The following DLG2 variants were observed in gnomAD, a reference collection of about 807,000 sequenced individuals.
The protein encoded by DLG2 is disks large homolog 2.
DLG2 carries 45 observed loss-of-function variants against 132.5 expected under a neutral mutation model. That is an observed-to-expected ratio of 0.34 (90% CI 0.27 to 0.44). The LOEUF (loss-of-function observed/expected upper bound fraction) is 0.44. Ranked by LOEUF, DLG2 falls within the 20% of genes least tolerant of loss-of-function variation. DLG2 has a pLI of 1.00. For missense variants in DLG2, 1,045 were observed against 1,196.9 expected (o/e 0.87, Z 1.87); for synonymous variants, 424 against 419.6 (o/e 1.01, Z -0.13).
intron 6 of DLG2, among the ~76,000 whole-genome samples, chr11:84,865,868 A>G (rs1336692825): frequency 6.6e-6 from 1 of 152,226 alleles, no homozygotes; most frequent in Non-Finnish European, 1.5e-5. Context: ...CAGAATCTCC[A>G]GGGTAAAAGA....
intron 4 of DLG2, among the ~76,000 whole-genome samples, chr11:85,263,635 A>G (rs1161326884): frequency 1.3e-5 from 2 of 152,210 alleles, no homozygotes; most frequent in African/African-American, 4.8e-5. Flanking sequence ...AGTAAACTCT[A>G]AACTCTCACC....
chr11:84,168,551 T>C (rs1180368022), intron 8 of DLG2, among the ~76,000 whole-genome samples: 1 of 152,176 alleles, frequency 6.6e-6, no homozygotes, highest in Non-Finnish European at 1.5e-5. Context: ...CATCCACAGA[T>C]GCAGCATATA....
chr11:84,544,381 A>C (rs1335977564), intron 6 of DLG2, among the ~76,000 whole-genome samples: 1 of 152,226 alleles, frequency 6.6e-6, no homozygotes, highest in East Asian at 1.9e-4. Flanking sequence ...TTTACAAAGC[A>C]CTTTCAGCAA....
At chr11:85,496,786 G>A (rs1024509832) in intron 3 of DLG2, among the ~76,000 whole-genome samples, 9 of 152,072 alleles carry the variant, frequency 5.9e-5, no homozygotes, top group African/African-American at 2.2e-4. Flanking sequence ...AGGCAAACAG[G>A]GTCTGGAGCA....
At chr11:84,397,575 T>G (rs1203101378) in intron 7 of DLG2, among the ~76,000 whole-genome samples, 1 of 152,162 alleles carries the variant, frequency 6.6e-6, no homozygotes, top group Non-Finnish European at 1.5e-5. Context: ...ATCTTAGAAG[T>G]CAACTGATGA....
At chr11:84,116,970 G>A (rs549369616) in intron 9 of DLG2, among the ~76,000 whole-genome samples, 60 of 152,226 alleles carry the variant, frequency 3.9e-4, no homozygotes, top group African/African-American at 1.4e-3. Flanking sequence ...CCACTTAAGC[G>A]TCACCTAATC....
intron 6 of DLG2, among the ~76,000 whole-genome samples, chr11:84,569,482 T>G (rs901380799): frequency 1.3e-5 from 2 of 151,718 alleles, no homozygotes; most frequent in African/African-American, 4.8e-5. Context: ...GATAGAAAAT[T>G]TAATAAAATT....
intron 3 of DLG2, among the ~76,000 whole-genome samples, chr11:85,319,969 A>G (rs559111817): frequency 5.9e-5 from 9 of 151,936 alleles, no homozygotes; most frequent in African/African-American, 1.9e-4. Flanking sequence ...TGGGTACTCA[A>G]TCATGTTTCA....
In DLG2 at chr11:84,372,967, A is replaced by G. The variant is rs1057508496; in HGVS notation, c.520-121676T>C. Among the ~76,000 whole-genome samples, 8 of 152,010 alleles carry G rather than the reference A, an allele frequency of 5.3e-5. 2 individuals are homozygous for G. The highest frequency in any genetic ancestry group is 1.0e-4 in the Non-Finnish European group (7 of 68,002). On this transcript the variant is annotated intron_variant, in intron 7 of 27. Transcript: ENST00000376104. ...ACCTAAAAATATAGCAAGAGATGAA[A>G]CCACGAGAGTTACTGGCATATGTGA...
intron 7 of DLG2, chr11:84,272,383 G>T (rs2097735960): frequency 5.3e-6 from 2 of 378,962 alleles, no homozygotes; most frequent in African/African-American, 2.1e-5. Context: ...TTTTAGCAGA[G>T]ATTATTTTTT....
At chr11:84,762,031 T>C (rs2067698781) in intron 6 of DLG2, 1 of 152,140 alleles carries the variant, frequency 6.6e-6, no homozygotes, top group Non-Finnish European at 1.5e-5. Flanking sequence ...AAATGTATTT[T>C]GGCTTGATCT....
At chr11:83,968,996 T>C (rs188359961) in intron 12 of DLG2, among the ~76,000 whole-genome samples, 497 of 152,298 alleles carry the variant, frequency 3.3e-3, no homozygotes, top group Non-Finnish European at 5.7e-3. Context: ...ATAACTAACA[T>C]TTATTTAATA....
At chr11:85,148,406 C>T (rs570684958) in intron 5 of DLG2, among the ~76,000 whole-genome samples, 94 of 152,284 alleles carry the variant, frequency 6.2e-4, no homozygotes, top group African/African-American at 2.2e-3. Context: ...CACAGCCTCA[C>T]CAGCATCTAT....
intron 14 of DLG2, among the ~76,000 whole-genome samples, chr11:83,957,638 T>C (rs1218703437): frequency 6.6e-6 from 1 of 151,626 alleles, no homozygotes; most frequent in East Asian, 1.9e-4. Flanking sequence ...AACTTAAAAT[T>C]AGACCTACAC....
At chr11:83,587,682 G>A (rs143279497) in intron 19 of DLG2, among the ~76,000 whole-genome samples, 2,997 of 152,250 alleles carry the variant, frequency 0.02, 47 homozygotes, top group Middle Eastern at 0.088. Flanking sequence ...AGCTCCCAGC[G>A]TGAGCTACGC....
chr11:84,831,056 A>C (rs1223010273), intron 6 of DLG2, among the ~76,000 whole-genome samples: 2 of 148,710 alleles, frequency 1.3e-5, no homozygotes, highest in Non-Finnish European at 3.0e-5. Flanking sequence ...GGGGCAACAG[A>C]TCTCCTAAAA....
intron 6 of DLG2, among the ~76,000 whole-genome samples, chr11:85,041,539 G>T (rs542121610): frequency 3.6e-4 from 55 of 152,006 alleles, no homozygotes; most frequent in African/African-American, 1.2e-3. Context: ...CATAAAAAAG[G>T]CTTTGTATTT....
chr11:85,533,084 C>T (rs148495253), intron 3 of DLG2, among the ~76,000 whole-genome samples: 1,558 of 152,192 alleles, frequency 0.01, 12 homozygotes, highest in Middle Eastern at 0.037. Context: ...AGTGCAATGG[C>T]ATGATCTCAG....
At chr11:84,717,404 T>C (rs549735894) in intron 6 of DLG2, among the ~76,000 whole-genome samples, 1 of 152,048 alleles carries the variant, frequency 6.6e-6, no homozygotes, top group Non-Finnish European at 1.5e-5. Context: ...ATCAATATTG[T>C]AAGAAATGTA....
Sources: gnomAD v4.1 joint callset for allele counts (sites outside exome capture counted in the v4.1 genomes callset) on GRCh38, gnomAD v4.1.1 for gene constraint, MANE v1.5 for transcripts, NCBI Gene and HGNC (gene_info 2026-07-23, HGNC 2026-07-21) for gene names.